The following APPL2 variants were observed in gnomAD, a reference collection of about 807,000 sequenced individuals.
The protein encoded by APPL2 is adaptor protein, phosphotyrosine interacting with PH domain and leucine zipper 2, also known as DCC-interacting protein 13-beta.
A neutral mutation model predicts 92.7 loss-of-function variants in APPL2; 84 were observed. That is an observed-to-expected ratio of 0.91 (90% CI 0.76 to 1.09). APPL2 has a LOEUF of 1.09. Ranked by LOEUF, APPL2 falls within the 50% of genes least tolerant of loss-of-function variation. The pLI, the probability that APPL2 is intolerant of heterozygous loss-of-function variation, is 0.00. For missense variants in APPL2, 736 were observed against 824.5 expected (o/e 0.89, Z 1.31); for synonymous variants, 291 against 291.0 (o/e 1.00, Z 0.00).
intron 5 of APPL2, among the ~76,000 whole-genome samples, chr12:105,210,476 C>A (rs2136019502): frequency 6.6e-6 from 1 of 152,220 alleles, no homozygotes; most frequent in Non-Finnish European, 1.5e-5. Context: ...TAAATACTTC[C>A]AATGAAGAGA....
At position 105,174,885 on chromosome 12, in the gene APPL2, G is replaced by GGGGT. The variant is rs951706174; in HGVS notation, c.1861-438_1861-437insACCC. On this transcript the variant is annotated intron_variant, in intron 20 of 20. Coordinates refer to ENST00000258530, the MANE Select transcript of APPL2 (RefSeq NM_018171.5). ...TGCTGCTTTTTTTTGGTGGGGGGGG[G>GGGGT]GGTGGTGCGGCGGTTGGAGACAGAG... 1.2e-4 allele frequency among the ~76,000 whole-genome samples: 17 copies of GGGGT among 142,714 alleles called. 1 individual carries two copies. The South Asian group carries it at 3.5e-3, about 29-fold the overall frequency. The allele number at this position is 142,714 out of a possible 152,430, so 93.6% of individuals were successfully genotyped here. A position where few individuals can be genotyped will look rare whatever the true frequency, so the allele number is the denominator to read the frequency against.
Position 105,236,144 on chromosome 12 carries a change from G to A in APPL2, c.-132C>T. 1 of 505,726 alleles carries A rather than the reference G, an allele frequency of 2.0e-6. No homozygotes were observed. Among genetic ancestry groups the A allele is most frequent in the Non-Finnish European group, 2.7e-6 (1 of 369,692 alleles). 31.3% of individuals were successfully genotyped at this position (505,726 alleles called of 1,614,324 possible). ...CCGTGCCCGCGGCGGCCCCGCGCGC[G>A]TCCACGCCTGGCCAGTGGCCGCCGC... On this transcript the variant is annotated 5_prime_UTR_variant, in exon 1 of 21. In the 5' UTR this introduces an upstream ATG that the reference lacks. Coordinates refer to ENST00000258530, the MANE Select transcript of APPL2 (RefSeq NM_018171.5).
At chr12:105,174,876 T>TGGGGGGGGGGGGGGGGGGGGGG (rs59473626) in intron 20 of APPL2, among the ~76,000 whole-genome samples, 1 of 89,010 alleles carries the variant, frequency 1.1e-5, no homozygotes, top group African/African-American at 4.7e-5. Context: ...TTTTTTTTGG[T>TGGGGGGGGGGGGGGGGGGGGGG]GGGGGGGGGG....
At chr12:105,196,817 T>C (rs894340767) in intron 11 of APPL2, among the ~76,000 whole-genome samples, 6 of 152,160 alleles carry the variant, frequency 3.9e-5, no homozygotes, top group African/African-American at 7.2e-5. Flanking sequence ...TGGAGTAACA[T>C]AGATCTTATC....
At chr12:105,187,196 G>GAACTT (rs1886811798) in intron 17 of APPL2, among the ~76,000 whole-genome samples, 1 of 152,158 alleles carries the variant, frequency 6.6e-6, no homozygotes, top group African/African-American at 2.4e-5. Context: ...TTATTAATAA[G>GAACTT]AACTTAATTC....
At chr12:105,192,274 C>G (rs1278236339) in intron 14 of APPL2, among the ~76,000 whole-genome samples, 2 of 152,202 alleles carry the variant, frequency 1.3e-5, no homozygotes, top group Non-Finnish European at 2.9e-5. Context: ...CCATCATCTT[C>G]TCTTGGGCTG....
rs866936733 is a variant in APPL2, at chr12:105,211,305, G to A, written c.298C>T (p.His100Tyr). ...SKVVDELNLLHTELAKQLADT... is the reference protein window; with the variant it reads ...SKVVDELNLLYTELAKQLADT... ...GCCAACTGTTTAGCCAGCTCTGTAT[G>A]GAGAAGATTAAGCTGAAAGAAAGAG... The change falls in exon 5 of 21, where the codon CAT becomes TAT. Residue 100 changes from histidine to tyrosine, a missense_variant. Transcript: ENST00000258530. 6.2e-7 allele frequency: 1 copy of A among 1,611,504 alleles called. No individual in the cohort carries two copies. Among genetic ancestry groups the A allele is most frequent in the Non-Finnish European group, 8.5e-7 (1 of 1,177,704 alleles).
At chr12:105,214,934 G>A (rs1396524200) in intron 4 of APPL2, among the ~76,000 whole-genome samples, 1 of 152,182 alleles carries the variant, frequency 6.6e-6, no homozygotes, top group Non-Finnish European at 1.5e-5. Flanking sequence ...GAGCTTCCAG[G>A]TCATTAAAAC....
chr12:105,214,514 A>T (rs1889495870), intron 4 of APPL2, among the ~76,000 whole-genome samples: 1 of 152,242 alleles, frequency 6.6e-6, no homozygotes, highest in Admixed American at 6.5e-5. Flanking sequence ...ATTTCAACAC[A>T]TCTGAGAGAG....
chr12:105,201,179 G>C (rs1042134376), intron 9 of APPL2, among the ~76,000 whole-genome samples: 20 of 152,200 alleles, frequency 1.3e-4, no homozygotes, highest in African/African-American at 2.7e-4. Flanking sequence ...AAAGTACTGG[G>C]ATTACAGGTG....
chr12:105,232,449 G>C (rs1479934802), intron 1 of APPL2, among the ~76,000 whole-genome samples: 1 of 152,216 alleles, frequency 6.6e-6, no homozygotes, highest in East Asian at 1.9e-4. Flanking sequence ...AAAATTTTAA[G>C]GTTATAAACA....
chr12:105,186,627 C>CATATATATGATATCGATATCAT (rs369194401), intron 17 of APPL2, among the ~76,000 whole-genome samples: 9 of 100,256 alleles, frequency 9.0e-5, no homozygotes, highest in South Asian at 3.0e-4. Context: ...ATATATATAT[C>CATATATATGATATCGATATCAT]ATATATATCA....
At chr12:105,197,648 A>G in intron 11 of APPL2, 117 bp downstream of exon 11, 1 of 1,273,742 alleles carries the variant, frequency 7.9e-7, no homozygotes, top group South Asian at 1.4e-5. Flanking sequence ...GGTCAACAAT[A>G]CCCAGATTGG....
At chr12:105,222,575 T>A (rs1484280161) in intron 2 of APPL2, among the ~76,000 whole-genome samples, 3 of 152,156 alleles carry the variant, frequency 2.0e-5, no homozygotes, top group Non-Finnish European at 2.9e-5. Flanking sequence ...GACAACAAAG[T>A]GTGCCGTTGA....
intron 17 of APPL2, among the ~76,000 whole-genome samples, chr12:105,186,718 T>TATATCATATC (rs1886754020): frequency 7.6e-6 from 1 of 131,616 alleles, no homozygotes; most frequent in African/African-American, 3.0e-5. Flanking sequence ...TATCATATCA[T>TATATCATATC]ATATATATCA....
At chr12:105,184,045 G>A (rs7966215) in intron 17 of APPL2, among the ~76,000 whole-genome samples, 344 of 152,042 alleles carry the variant, frequency 2.3e-3, no homozygotes, top group African/African-American at 7.6e-3. Flanking sequence ...CCACTTGATC[G>A]ATTTGACTAT....
Position 105,199,423 on chromosome 12 carries a change from T to C in APPL2, c.813A>G (p.Pro271=). 1 of 1,614,148 alleles carries C rather than the reference T, an allele frequency of 6.2e-7. No individual in the cohort carries two copies. The highest frequency in any genetic ancestry group is 1.1e-5 in the South Asian group (1 of 91,082). Residue 271 remains proline, a synonymous_variant, in exon 10 of 21, where the codon CCA becomes CCG. Coordinates refer to ENST00000258530, the MANE Select transcript of APPL2 (RefSeq NM_018171.5). ...VYTPDSDVAA[P]QINRNLIQKA... ...TCTGGATGAGGTTCCTGTTGATCTG[T>C]GGTGCGGCCACATCAGAGTCTGGAG...
intron 2 of APPL2, among the ~76,000 whole-genome samples, chr12:105,225,330 C>T (rs967119005): frequency 6.6e-6 from 1 of 152,056 alleles, no homozygotes; most frequent in Non-Finnish European, 1.5e-5. Flanking sequence ...ACCCCTGGCC[C>T]CACTTTCTCA....
At chr12:105,174,970 G>A (rs922981391) in intron 20 of APPL2, among the ~76,000 whole-genome samples, 1 of 148,430 alleles carries the variant, frequency 6.7e-6, no homozygotes, top group East Asian at 2.1e-4. Flanking sequence ...TGCAACCTTC[G>A]CCTCCCCGGT....
Sources: allele counts gnomAD v4.1 joint callset (sites outside exome capture counted in the v4.1 genomes callset), GRCh38; gene constraint gnomAD v4.1.1; transcripts MANE v1.5; gene names NCBI Gene and HGNC (gene_info 2026-07-23, HGNC 2026-07-21).